The following EFL1 variants were observed in gnomAD, a reference collection of about 807,000 sequenced individuals.
EFL1 encodes elongation factor like GTPase 1, also known as elongation factor-like GTPase 1.
Under a neutral mutation model 126.7 loss-of-function variants are expected in EFL1, and 76 were observed. The ratio of observed to expected loss-of-function variants is 0.60; its 90% confidence interval spans 0.50 to 0.73. The LOEUF is 0.73. EFL1 is among the 30% of genes least tolerant of loss of function. The probability of loss-of-function intolerance (pLI) is 0.00; values close to 1 mark genes in which losing one functional copy is unlikely to be tolerated. For missense variants in EFL1, 1,128 were observed against 1,343.2 expected, an observed-to-expected ratio of 0.84 and a Z score of 2.50; for synonymous variants, 410 against 448.4, an observed-to-expected ratio of 0.91 and a Z score of 1.08.
intron 17 of EFL1, among the ~76,000 whole-genome samples, chr15:82,153,181 G>A (rs1290794318): frequency 1.3e-5 from 2 of 152,098 alleles, no homozygotes; most frequent in East Asian, 3.9e-4. Context: ...GACATCATAG[G>A]TCTTGAGCCC....
At chr15:82,134,804 AGGGT>A in intron 19 of EFL1, among the ~76,000 whole-genome samples, 1 of 152,214 alleles carries the variant, frequency 6.6e-6, no homozygotes, top group Non-Finnish European at 1.5e-5. Context: ...TTTTCATAGA[AGGGT>A]AAAACATAGA....
chr15:82,193,426 T>C (rs1456555320), intron 15 of EFL1, among the ~76,000 whole-genome samples: 6 of 152,176 alleles, frequency 3.9e-5, no homozygotes, highest in African/African-American at 1.2e-4. Context: ...TCCAGCTTTA[T>C]AGATAAGCAA....
chr15:82,178,490 T>C (rs568585703), intron 15 of EFL1, among the ~76,000 whole-genome samples: 1 of 152,242 alleles, frequency 6.6e-6, no homozygotes, highest in Non-Finnish European at 1.5e-5. Context: ...TTCACTCTCT[T>C]AGAGGGAAAA....
intron 14 of EFL1, among the ~76,000 whole-genome samples, chr15:82,216,708 T>C (rs28876157): frequency 0.17 from 25,716 of 152,054 alleles, 2,518 homozygotes; most frequent in Non-Finnish European, 0.24. Context: ...TATTTAAACA[T>C]GAAAAGTAAA....
chr15:82,196,359 G>A (rs1331808393), intron 15 of EFL1, among the ~76,000 whole-genome samples: 1 of 152,174 alleles, frequency 6.6e-6, no homozygotes, highest in Non-Finnish European at 1.5e-5. Context: ...TTATTTATAG[G>A]AGAAAGGGCC....
chr15:82,230,933 C>A lies in EFL1; in HGVS notation c.770G>T (p.Gly257Val), dbSNP rs780230145. ...TTTCATAAGAACTTCCTTTTTGATG[C>A]CAATTTTTTGACTGTAGATTCTGGC... ...HFARIYSQKI[G>V]IKKEVLMKTL... The change falls in exon 8 of 20, where the codon GGC becomes GTC. Residue 257 changes from glycine to valine, a missense_variant. Gly to Val is a moderately radical substitution (Grantham distance 109). Coordinates refer to ENST00000268206, the MANE Select transcript of EFL1 (RefSeq NM_024580.6). The A allele has an allele frequency of 1.2e-6, 2 of 1,613,018 alleles. No homozygotes were observed. The highest frequency in any genetic ancestry group is 1.3e-5 in the African/African-American group (1 of 74,848).
chr15:82,140,877 T>C (rs1410963044), intron 18 of EFL1, among the ~76,000 whole-genome samples: 1 of 152,218 alleles, frequency 6.6e-6, no homozygotes, highest in Non-Finnish European at 1.5e-5. Flanking sequence ...TAAGCTCTCC[T>C]TGTATACTCT....
rs571723007 is a variant in EFL1, at chr15:82,239,383, G to A, written c.517-862C>T. 5.3e-4 allele frequency among the ~76,000 whole-genome samples: 80 copies of A among 152,168 alleles called. 1 individual carries two copies. Among genetic ancestry groups the A allele is most frequent in the African/African-American group, 1.8e-3 (74 of 41,518 alleles). ...AATCTCCTGACCTCGTGATCCACCC[G>A]CCTCGGCCTCCCAAAGCGCTGGGAT... On this transcript the variant is annotated intron_variant, in intron 6 of 19. Transcript: ENST00000268206.
chr15:82,146,556 C>G (rs1434542007), intron 18 of EFL1, among the ~76,000 whole-genome samples: 1 of 145,996 alleles, frequency 6.8e-6, no homozygotes, highest in Non-Finnish European at 1.5e-5. Flanking sequence ...AAAGAGAAAA[C>G]AGGCTTCAGA....
intron 18 of EFL1, among the ~76,000 whole-genome samples, chr15:82,151,069 A>C (rs1349221020): frequency 1.3e-5 from 2 of 152,214 alleles, no homozygotes; most frequent in African/African-American, 4.8e-5. Context: ...CAGCTTCTGC[A>C]AAACATACTA....
rs747428372 is a variant in EFL1 at position 82,219,720 on chromosome 15, C to T, written c.1543G>A (p.Val515Met). 9 of 1,614,012 alleles carry T rather than the reference C, an allele frequency of 5.6e-6. No individual in the cohort carries two copies. The East Asian group carries it at 2.0e-4, about 36-fold the overall frequency. ...FIAFARVFSG[V>M]ARRGKKIFVL... ...AAAATTTTCTTTCCTCTTCGAGCCA[C>T]ACCACTGAACACCCGAGCAAATGCA... The change falls in exon 14 of 20, where the codon GTG (valine) becomes ATG (methionine). Residue 515 changes from valine to methionine, a missense_variant. Val to Met is a conservative substitution (Grantham distance 21). Coordinates refer to ENST00000268206, the MANE Select transcript of EFL1 (RefSeq NM_024580.6).
chr15:82,177,136 C>CTAGT (rs1303488098), intron 15 of EFL1, among the ~76,000 whole-genome samples: 1 of 152,124 alleles, frequency 6.6e-6, no homozygotes, highest in Non-Finnish European at 1.5e-5. Context: ...GGTCTGGGTA[C>CTAGT]TAGTTACACT....
At chr15:82,219,925 GA>G (rs1038342126) in intron 13 of EFL1, 107 bp from the exon 14 acceptor site, 16 of 1,472,230 alleles carry the variant, frequency 1.1e-5, no homozygotes, top group East Asian at 4.7e-5. Flanking sequence ...CAAGTTTCAG[GA>G]AAAAAAAGAA....
At position 82,183,281 on chromosome 15, in the gene EFL1, T is replaced by C. The variant is rs180756072; in HGVS notation, c.1751-19297A>G. On this transcript the variant is annotated intron_variant, in intron 15 of 19. Coordinates refer to ENST00000268206, the MANE Select transcript of EFL1 (RefSeq NM_024580.6). ...TTCTTGAGTAACTCAAACAAAGCATTGCATATTTCAGGGTACATCTGCTTA... is the reference window on the plus strand; with the variant it reads ...TTCTTGAGTAACTCAAACAAAGCATCGCATATTTCAGGGTACATCTGCTTA... Among the ~76,000 whole-genome samples the C allele has an allele frequency of 1.8e-3, 268 of 152,352 alleles. 5 individuals carry two copies. Among genetic ancestry groups the C allele is most frequent in the Non-Finnish European group, 2.4e-4 (16 of 68,034 alleles).
chr15:82,190,730 A>C (rs530154914), intron 15 of EFL1, among the ~76,000 whole-genome samples: 2 of 152,304 alleles, frequency 1.3e-5, no homozygotes, highest in East Asian at 3.9e-4. Flanking sequence ...GTCTTGAGTA[A>C]ACTAAGTGAT....
At position 82,250,075 on chromosome 15, in the gene EFL1, T is replaced by G. The variant is rs551240061; in HGVS notation, c.244+2616A>C. 4.4e-4 allele frequency among the ~76,000 whole-genome samples: 67 copies of G among 151,640 alleles called. 1 individual carries two copies. In the South Asian group the frequency reaches 0.01, roughly 23 times the overall value. On this transcript the variant is annotated intron_variant, in intron 4 of 19. Coordinates refer to ENST00000268206, the MANE Select transcript of EFL1 (RefSeq NM_024580.6). ...GCATGGTATAAATAAAAGTCACCTG[T>G]GGAGTTTCTTCAATCATCAGGTTTC...
chr15:82,259,410 C>G (rs1277050806), intron 2 of EFL1, among the ~76,000 whole-genome samples: 2 of 152,314 alleles, frequency 1.3e-5, no homozygotes, highest in East Asian at 3.9e-4. Flanking sequence ...GAAAAGTTGT[C>G]AAGTAACTTT....
chr15:82,138,734 C>G lies in EFL1; in HGVS notation c.3098G>C (p.Ser1033Thr), dbSNP rs762674622. 6.2e-7 allele frequency: 1 copy of G among 1,614,028 alleles called. No individual in the cohort carries two copies. The highest frequency in any genetic ancestry group is 8.5e-7 in the Non-Finnish European group (1 of 1,179,930). ...IIKAVLPVAESFGFADEIRKR... is the reference protein window; with the variant it reads ...IIKAVLPVAETFGFADEIRKR... The stretch of plus-strand genomic sequence containing the variant: ...CCTGATTTCATCAGCAAAACCAAAG[C>G]TTTCAGCAACAGGCAGCACAGCCTT... The change falls in exon 19 of 20, where the codon AGC (serine) becomes ACC (threonine). Residue 1033 changes from serine (S) to threonine (T), a missense_variant. Coordinates refer to ENST00000268206, the MANE Select transcript of EFL1 (RefSeq NM_024580.6).
chr15:82,136,692 T>C (rs1595934515), intron 19 of EFL1, among the ~76,000 whole-genome samples: 2 of 152,234 alleles, frequency 1.3e-5, no homozygotes, highest in African/African-American at 4.8e-5. Context: ...TTGGTTTGTG[T>C]TCTTATGTAA....
Sources: allele counts gnomAD v4.1 joint callset (sites outside exome capture counted in the v4.1 genomes callset), GRCh38; gene constraint gnomAD v4.1.1; transcripts MANE v1.5; gene names NCBI Gene and HGNC (gene_info 2026-07-23, HGNC 2026-07-21).